The following NUP62CL variants were observed in gnomAD, a reference collection of about 807,000 sequenced individuals.
The protein encoded by NUP62CL is nucleoporin 62 C-terminal like.
Under a neutral mutation model 15.3 loss-of-function variants are expected in NUP62CL, and 13 were observed. That is an observed-to-expected ratio of 0.85 (90% CI 0.55 to 1.35). The LOEUF (loss-of-function observed/expected upper bound fraction) is 1.35. Ranked by LOEUF, NUP62CL falls within the 40% of genes most tolerant of loss-of-function variation. The pLI, the probability that NUP62CL is intolerant of heterozygous loss-of-function variation, is 0.00. For missense variants in NUP62CL, 123 were observed against 130.6 expected, an observed-to-expected ratio of 0.94 and a Z score of 0.28; for synonymous variants, 54 against 49.2, an observed-to-expected ratio of 1.10 and a Z score of -0.41.
At position 107,153,241 on chromosome X, in the gene NUP62CL, A is replaced by AAATAAGTC; in HGVS notation, c.453_460dup (p.Leu154Ter). The AAATAAGTC allele has an allele frequency of 8.3e-7, 1 of 1,207,748 alleles. No homozygotes were observed. The highest frequency in any genetic ancestry group is 1.1e-6 in the Non-Finnish European group (1 of 891,937). ...ACTCTGGTCACGCGTAGACTCCTCT[A>AAATAAGTC]AATAAGTCAACAGAAATTCTAGTTC... On this transcript the variant is annotated stop_gained and frameshift_variant, in exon 7 of 9. Coordinates refer to ENST00000372466, the MANE Select transcript of NUP62CL (RefSeq NM_017681.3). LOFTEE classifies it high-confidence loss of function.
chrX:107,171,667 G>T (rs1363339559), intron 3 of NUP62CL, among the ~76,000 whole-genome samples: 1 of 111,483 alleles, frequency 9.0e-6, no homozygotes, highest in Non-Finnish European at 1.9e-5. Flanking sequence ...CAACACATGG[G>T]AATTATGGGA....
rs1467896966 is a variant in NUP62CL, at chrX:107,164,978, G to GC, written c.194+2670dup. Among the ~76,000 whole-genome samples, 5 of 112,395 alleles carry GC rather than the reference G, an allele frequency of 4.4e-5. No homozygotes were observed. In the East Asian group the frequency reaches 1.4e-3, roughly 31 times the overall value. On this transcript the variant is annotated intron_variant, in intron 4 of 8. Coordinates refer to ENST00000372466, the MANE Select transcript of NUP62CL (RefSeq NM_017681.3). ...TAACTGGGCGTGGTGGCGGGTGCCT[G>GC]CAGTCCCAGCTACTCAGGAGGCTGA... is the stretch of plus-strand genomic sequence containing the variant.
intron 2 of NUP62CL, among the ~76,000 whole-genome samples, chrX:107,189,808 G>GAGAA (rs1156286664): frequency 2.7e-5 from 2 of 74,071 alleles, no homozygotes; most frequent in South Asian, 9.2e-4. Context: ...AAGAGAGAGA[G>GAGAA]AGAAAGAAAG....
intron 7 of NUP62CL, among the ~76,000 whole-genome samples, chrX:107,149,742 C>T (rs1035604442): frequency 2.7e-5 from 3 of 111,581 alleles, no homozygotes; most frequent in Non-Finnish European, 3.8e-5. Flanking sequence ...TTCACCTACC[C>T]GATCCTGGCC....
chrX:107,131,117 A>G (rs1925502874), intron 8 of NUP62CL, among the ~76,000 whole-genome samples: 1 of 111,657 alleles, frequency 9.0e-6, no homozygotes. Context: ...CCTAGGGAGT[A>G]AGAAAATAAG....
At chrX:107,190,679 G>A (rs967227651) in intron 2 of NUP62CL, among the ~76,000 whole-genome samples, 5 of 111,741 alleles carry the variant, frequency 4.5e-5, no homozygotes, top group Admixed American at 1.9e-4. Context: ...AGAGAGCAGA[G>A]TTCAAACCTT....
In NUP62CL at chrX:107,168,827, G is replaced by A. The variant is rs190834934; in HGVS notation, c.59-1043C>T. ...TAGTTTCAGGTTAATGGCCACACTG[G>A]ATAAATGCATAAACCATGGTGCCTG... On this transcript the variant is annotated intron_variant, in intron 3 of 8. Coordinates refer to ENST00000372466, the MANE Select transcript of NUP62CL (RefSeq NM_017681.3). Among the ~76,000 whole-genome samples the A allele has an allele frequency of 8.0e-5, 9 of 112,485 alleles. No homozygotes were observed. In the East Asian group the frequency reaches 8.3e-4, roughly 10 times the overall value.
At chrX:107,204,664 C>T (rs1602671856) in intron 1 of NUP62CL, among the ~76,000 whole-genome samples, 1 of 105,401 alleles carries the variant, frequency 9.5e-6, no homozygotes, top group Admixed American at 1.1e-4. Context: ...CTGGAGGGAG[C>T]CAGGGCAATC....
intron 8 of NUP62CL, among the ~76,000 whole-genome samples, chrX:107,127,331 G>T (rs1254001714): frequency 2.7e-5 from 3 of 111,846 alleles, no homozygotes; most frequent in African/African-American, 9.8e-5. Context: ...ATGGCCAAGA[G>T]AAAATTTTGG....
chrX:107,196,608 AT>A (rs1927366462), intron 1 of NUP62CL, among the ~76,000 whole-genome samples: 2 of 111,150 alleles, frequency 1.8e-5, no homozygotes, highest in South Asian at 3.8e-4. Flanking sequence ...CGCTTGGCTA[AT>A]TTTTTTGTTT....
intron 2 of NUP62CL, among the ~76,000 whole-genome samples, chrX:107,184,341 AAGAAAGAAAGAAAG>A: frequency 9.2e-6 from 1 of 108,335 alleles, no homozygotes; most frequent in South Asian, 4.1e-4. Flanking sequence ...GAAAGAAAGA[AAGAAAGAAAGAAAG>A]AAACTAATTA....
chrX:107,146,959 TG>T (rs1182588462), intron 8 of NUP62CL, among the ~76,000 whole-genome samples: 2 of 111,482 alleles, frequency 1.8e-5, no homozygotes, highest in Non-Finnish European at 3.8e-5. Flanking sequence ...GTGTGCTCAT[TG>T]CCACTGGGAT....
chrX:107,162,891 G>T (rs1402943280), intron 4 of NUP62CL, among the ~76,000 whole-genome samples: 3 of 110,969 alleles, frequency 2.7e-5, no homozygotes, highest in Non-Finnish European at 5.7e-5. Flanking sequence ...CCTTGCATGT[G>T]TAGTTTACTA....
At chrX:107,196,664 G>T (rs1444384332) in intron 1 of NUP62CL, among the ~76,000 whole-genome samples, 1 of 111,414 alleles carries the variant, frequency 9.0e-6, no homozygotes, top group Non-Finnish European at 1.9e-5. Context: ...TGATCAGGCT[G>T]GTCTCAAACT....
intron 8 of NUP62CL, among the ~76,000 whole-genome samples, chrX:107,129,268 A>G (rs1925457416): frequency 9.0e-6 from 1 of 111,509 alleles, no homozygotes; most frequent in African/African-American, 3.3e-5. Context: ...TGGAGCTAAA[A>G]ACAGAATTGT....
chrX:107,203,153 T>C (rs1415863055), intron 1 of NUP62CL, among the ~76,000 whole-genome samples: 2 of 109,671 alleles, frequency 1.8e-5, no homozygotes, highest in African/African-American at 6.6e-5. Flanking sequence ...AGGCTTCCTA[T>C]TGAGCTCACT....
chrX:107,130,192 C>T lies in NUP62CL; in HGVS notation c.*43-5860G>A, dbSNP rs1439642690. Among the ~76,000 whole-genome samples, 6 of 110,805 alleles carry T rather than the reference C, an allele frequency of 5.4e-5. No homozygotes were observed. The Admixed American group carries it at 5.7e-4, about 11-fold the overall frequency. Reference sequence around the variant, plus strand: ...AATTCCTTGAGTCACCAATAATGGGCTCAGTGGGTCAAACAGATCCACACC... The same window carrying T: ...AATTCCTTGAGTCACCAATAATGGGTTCAGTGGGTCAAACAGATCCACACC... On this transcript the variant is annotated intron_variant, in intron 8 of 8. Coordinates refer to ENST00000372466, the MANE Select transcript of NUP62CL (RefSeq NM_017681.3).
intron 1 of NUP62CL, among the ~76,000 whole-genome samples, chrX:107,198,138 G>A (rs972021351): frequency 9.0e-6 from 1 of 111,515 alleles, no homozygotes; most frequent in African/African-American, 3.3e-5. Flanking sequence ...CTAGCTAAAG[G>A]TTTGTAAACA....
chrX:107,202,974 C>CAA (rs1172117650), intron 1 of NUP62CL, among the ~76,000 whole-genome samples: 2 of 54,232 alleles, frequency 3.7e-5, no homozygotes, highest in African/African-American at 1.4e-4. Context: ...CAGACCGTCT[C>CAA]AAAAAAAAAA....
Sources: allele counts gnomAD v4.1 joint callset (sites outside exome capture counted in the v4.1 genomes callset), GRCh38; gene constraint gnomAD v4.1.1; transcripts MANE v1.5; gene names NCBI Gene and HGNC (gene_info 2026-07-23, HGNC 2026-07-21).